Variants in PHF24 observed in about 807,000 individuals in gnomAD.
PHF24 encodes the protein Galpha inhibitory interacting protein.
A neutral mutation model predicts 42.6 loss-of-function variants in PHF24; 25 were observed. The ratio of observed to expected loss-of-function variants is 0.59; its 90% CI spans 0.43 to 0.82. The LOEUF (loss-of-function observed/expected upper bound fraction) is 0.82, where lower values mean the gene tolerates loss of function less well. PHF24 is among the 40% of genes least tolerant of loss of function. PHF24 has a pLI of 0.00. For missense variants in PHF24, 470 were observed against 538.1 expected (o/e 0.87, Z 1.25); for synonymous variants, 185 against 204.8 (o/e 0.90, Z 0.83).
chr9:34,737,062 A>G, the PHF24 span, among the ~76,000 whole-genome samples: 1 of 152,160 alleles, frequency 6.6e-6, no homozygotes, highest in African/African-American at 2.4e-5. Flanking sequence ...TCATAAATTC[A>G]CCATTGAACT....
chr9:34,780,298 C>CTTTTTTTTTTT, the PHF24 span, among the ~76,000 whole-genome samples: 5 of 63,892 alleles, frequency 7.8e-5, no homozygotes, highest in East Asian at 3.2e-4. Context: ...TTCTTTTTTT[C>CTTTTTTTTTTT]TTTTTTTTTT....
At chr9:34,719,438 TG>T in the PHF24 span, among the ~76,000 whole-genome samples, 3 of 152,196 alleles carry the variant, frequency 2.0e-5, no homozygotes, top group African/African-American at 7.2e-5. Flanking sequence ...GCTGGGGTTA[TG>T]GGATGGGATG....
At chr9:34,748,151 C>A in the PHF24 span, among the ~76,000 whole-genome samples, 4 of 152,052 alleles carry the variant, frequency 2.6e-5, no homozygotes, top group African/African-American at 9.7e-5. Context: ...TTTTGAGGTG[C>A]TAGTAACATT....
the PHF24 span, among the ~76,000 whole-genome samples, chr9:34,875,966 T>A: frequency 0.077 from 8,844 of 114,986 alleles, 230 homozygotes; most frequent in African/African-American, 0.091. Flanking sequence ...TCTCTCTCTC[T>A]CTCTCTCTCT....
chr9:34,670,150 C>G, the PHF24 span, among the ~76,000 whole-genome samples: 2 of 152,168 alleles, frequency 1.3e-5, no homozygotes, highest in South Asian at 4.1e-4. Context: ...TGAGACCCTC[C>G]TAGACTTCAT....
the PHF24 span, chr9:34,922,829 C>G: frequency 2.5e-6 from 4 of 1,592,538 alleles, no homozygotes; most frequent in Non-Finnish European, 3.4e-6. Context: ...AAGCTCCTTG[C>G]TCAGTTACAG....
the PHF24 span, chr9:34,838,435 G>A: frequency 1.5e-6 from 2 of 1,311,894 alleles, no homozygotes. Context: ...GATGAAGATG[G>A]AGCCATAGGT....
At chr9:34,966,189 T>C (rs895221172) in intron 1 of PHF24, among the ~76,000 whole-genome samples, 2 of 152,250 alleles carry the variant, frequency 1.3e-5, no homozygotes, top group African/African-American at 4.8e-5. Context: ...TGAAACTCAC[T>C]TATTTCTCCC....
At chr9:34,934,954 C>T in the PHF24 span, among the ~76,000 whole-genome samples, 5 of 152,108 alleles carry the variant, frequency 3.3e-5, no homozygotes, top group African/African-American at 9.7e-5. Flanking sequence ...TACTCTCTGA[C>T]CCTTTGTAGC....
At chr9:34,869,573 GCTCCCC>G in the PHF24 span, among the ~76,000 whole-genome samples, 1 of 152,004 alleles carries the variant, frequency 6.6e-6, no homozygotes, top group Admixed American at 6.6e-5. Context: ...CTGCAGAACA[GCTCCCC>G]CTGCCTCCCA....
At chr9:34,851,408 G>A in the PHF24 span, among the ~76,000 whole-genome samples, 3 of 152,332 alleles carry the variant, frequency 2.0e-5, no homozygotes, top group Middle Eastern at 3.4e-3. Context: ...TCCGAGCCAG[G>A]TGCGGGATAT....
chr9:34,977,933 C>T lies in PHF24; in HGVS notation c.1107-82C>T, dbSNP rs1185985461. Reference sequence around the variant, plus strand: ...GGCTCACGCGTCTTCAAACCAGCCTCCTCAAGCCATGCTGCCCCTGGGATC... The same window carrying T: ...GGCTCACGCGTCTTCAAACCAGCCTTCTCAAGCCATGCTGCCCCTGGGATC... On this transcript the variant is annotated intron_variant, in intron 7 of 7. Transcript: ENST00000242315. 2.7e-6 allele frequency: 3 copies of T among 1,106,494 alleles called. No homozygotes were observed. The African/African-American group carries it at 4.6e-5, about 17-fold the overall frequency. 68.5% of individuals were successfully genotyped at this position (1,106,494 alleles called of 1,614,324 possible). A position where few individuals can be genotyped will look rare whatever the true frequency, so the allele number is the denominator to read the frequency against.
chr9:34,920,125 C>T, the PHF24 span, among the ~76,000 whole-genome samples: 24 of 152,278 alleles, frequency 1.6e-4, no homozygotes, highest in Admixed American at 4.6e-4. Context: ...TTCTGAGGAA[C>T]CTCCATACAG....
chr9:34,758,910 T>C, the PHF24 span, among the ~76,000 whole-genome samples: 13 of 152,072 alleles, frequency 8.5e-5, no homozygotes, highest in African/African-American at 3.1e-4. The surrounding 1 kb of genome is among the most constrained non-coding windows in gnomAD (Gnocchi z 4.4). Context: ...TACCTGATTC[T>C]AGGCTAACCC....
At chr9:34,732,669 G>A in the PHF24 span, among the ~76,000 whole-genome samples, 297 of 152,112 alleles carry the variant, frequency 2.0e-3, no homozygotes, top group African/African-American at 6.7e-3. Flanking sequence ...TGTGCTTATC[G>A]GGTATTGCTC....
the PHF24 span, among the ~76,000 whole-genome samples, chr9:34,773,439 A>C: frequency 1.3e-5 from 2 of 152,142 alleles, no homozygotes. Flanking sequence ...AAAAAAAAAA[A>C]TTGGTGGAGA....
chr9:34,709,760 C>A, the PHF24 span: 1 of 1,614,228 alleles, frequency 6.2e-7, no homozygotes, highest in Non-Finnish European at 8.5e-7. Context: ...AGTACCCACC[C>A]CTTTGTGTCC....
At chr9:34,969,307 C>A (rs911295355) in intron 1 of PHF24, among the ~76,000 whole-genome samples, 9 of 152,220 alleles carry the variant, frequency 5.9e-5, no homozygotes, top group Admixed American at 1.3e-4. Flanking sequence ...TTTCCAATTT[C>A]TGTAAGTGGC....
the PHF24 span, among the ~76,000 whole-genome samples, chr9:34,880,986 A>G: frequency 1.6e-4 from 24 of 152,232 alleles, no homozygotes; most frequent in Admixed American, 6.5e-4. Context: ...AAATGTAAAA[A>G]AACAGAAATT....
Sources: gnomAD v4.1 joint callset for allele counts (sites outside exome capture counted in the v4.1 genomes callset) on GRCh38, gnomAD v4.1.1 for gene constraint, Gnocchi (gnomAD v3.1) non-coding constraint, MANE v1.5 for transcripts, NCBI Gene and HGNC (gene_info 2026-07-23, HGNC 2026-07-21) for gene names.